M1AP: variants seen among roughly 807,000 people sequenced by gnomAD.
The protein encoded by M1AP is meiosis 1 associated protein.
M1AP carries 39 observed loss-of-function variants against 51.2 expected under a neutral mutation model. The ratio of observed to expected loss-of-function variants is 0.76; its 90% CI spans 0.59 to 1.00. The LOEUF is 1.00. Among genes scored for constraint, M1AP ranks in the 50% least tolerant of loss-of-function variants. The pLI is 0.00. For missense variants in M1AP, 545 were observed against 641.2 expected, an observed-to-expected ratio of 0.85 and a Z score of 1.62; for synonymous variants, 251 against 249.2, an observed-to-expected ratio of 1.01 and a Z score of -0.07.
At chr2:74,596,060 G>GAAGA (rs1680313899) in intron 4 of M1AP, among the ~76,000 whole-genome samples, 1 of 152,112 alleles carries the variant, frequency 6.6e-6, no homozygotes, top group South Asian at 2.1e-4. Flanking sequence ...GGAAAGCAAG[G>GAAGA]AAGAAAGATG....
At chr2:74,594,994 A>G (rs1472454871) in intron 4 of M1AP, among the ~76,000 whole-genome samples, 5 of 152,244 alleles carry the variant, frequency 3.3e-5, no homozygotes, top group African/African-American at 9.6e-5. Flanking sequence ...AATAATAAAC[A>G]TAAGATAAAT....
intron 5 of M1AP, chr2:74,576,927 G>A (rs765586713): frequency 1.3e-4 from 146 of 1,112,268 alleles, no homozygotes; most frequent in Non-Finnish European, 1.5e-4. Context: ...CTCATAGTGA[G>A]ACATCTGGCT....
At chr2:74,637,256 G>A (rs1683038664) in intron 2 of M1AP, among the ~76,000 whole-genome samples, 1 of 151,986 alleles carries the variant, frequency 6.6e-6, no homozygotes, top group South Asian at 2.1e-4. Flanking sequence ...TATTTTCCAT[G>A]CCAGAAATTG....
chr2:74,641,986 C>T (rs536435375), intron 1 of M1AP, among the ~76,000 whole-genome samples: 3 of 152,048 alleles, frequency 2.0e-5, no homozygotes, highest in South Asian at 2.1e-4. Flanking sequence ...GCTGGGATTA[C>T]AGGCATGTGC....
At chr2:74,601,715 A>C (rs1444535506) in intron 4 of M1AP, among the ~76,000 whole-genome samples, 1 of 152,182 alleles carries the variant, frequency 6.6e-6, no homozygotes, top group Non-Finnish European at 1.5e-5. Context: ...ATATGGTTAA[A>C]ATTTATAGAA....
At chr2:74,581,113 C>G (rs965224238) in intron 5 of M1AP, among the ~76,000 whole-genome samples, 2 of 152,174 alleles carry the variant, frequency 1.3e-5, no homozygotes, top group African/African-American at 4.8e-5. Context: ...ATGACCAGAA[C>G]ACTGGATTGA....
At chr2:74,603,924 G>A (rs1050944403) in intron 4 of M1AP, among the ~76,000 whole-genome samples, 1 of 152,052 alleles carries the variant, frequency 6.6e-6, no homozygotes, top group Non-Finnish European at 1.5e-5. Context: ...CAGAACAGTG[G>A]CCACTTCCAT....
chr2:74,592,250 G>T (rs139888893), intron 4 of M1AP, among the ~76,000 whole-genome samples: 16 of 152,274 alleles, frequency 1.1e-4, no homozygotes, highest in Admixed American at 9.2e-4. Flanking sequence ...TCTAGGGATA[G>T]AAGTAAAACA....
At chr2:74,617,991 C>T (rs904710337) in intron 2 of M1AP, among the ~76,000 whole-genome samples, 1 of 152,012 alleles carries the variant, frequency 6.6e-6, no homozygotes, top group Non-Finnish European at 1.5e-5. Context: ...AGAGATTGAC[C>T]CATATTTTAA....
intron 1 of M1AP, among the ~76,000 whole-genome samples, chr2:74,645,655 A>G (rs534564202): frequency 2.6e-4 from 39 of 152,288 alleles, no homozygotes; most frequent in African/African-American, 9.1e-4. Flanking sequence ...TTTCTGCATC[A>G]ACTCCCCCTT....
At chr2:74,611,890 T>G (rs1362607213) in intron 3 of M1AP, among the ~76,000 whole-genome samples, 9 of 72,534 alleles carry the variant, frequency 1.2e-4, no homozygotes, top group Non-Finnish European at 2.6e-4. Context: ...GTGTTTTTTT[T>G]TTTTTTTTTT....
chr2:74,596,292 C>A (rs184823509), intron 4 of M1AP, among the ~76,000 whole-genome samples: 1 of 152,232 alleles, frequency 6.6e-6, no homozygotes, highest in East Asian at 1.9e-4. Flanking sequence ...ACCATAAAAA[C>A]AGTAAGATGG....
intron 3 of M1AP, among the ~76,000 whole-genome samples, chr2:74,608,994 C>T (rs1219308097): frequency 6.6e-6 from 1 of 152,124 alleles, no homozygotes; most frequent in East Asian, 1.9e-4. Flanking sequence ...TGTTTTGATA[C>T]ATTTATACAT....
intron 4 of M1AP, among the ~76,000 whole-genome samples, chr2:74,582,058 T>C (rs1174127331): frequency 1.3e-5 from 2 of 152,158 alleles, no homozygotes; most frequent in Non-Finnish European, 2.9e-5. Context: ...GCCTCCTGAG[T>C]AGCTGGGACT....
intron 7 of M1AP, among the ~76,000 whole-genome samples, chr2:74,569,844 G>C (rs188444621): frequency 6.6e-6 from 1 of 152,162 alleles, no homozygotes; most frequent in East Asian, 1.9e-4. Context: ...AGAGGATTGA[G>C]AGAGAACAGG....
intron 3 of M1AP, 31 bp from the exon 4 acceptor site, chr2:74,607,254 A>G: frequency 6.2e-7 from 1 of 1,604,748 alleles, no homozygotes; most frequent in Non-Finnish European, 8.5e-7. Context: ...CAATGTGTCT[A>G]TTCTCCCTGA....
intron 2 of M1AP, among the ~76,000 whole-genome samples, chr2:74,629,879 C>A (rs72907299): frequency 0.015 from 2,286 of 150,874 alleles, 59 homozygotes; most frequent in African/African-American, 0.052. Flanking sequence ...TTCCAAAATT[C>A]AAAAAAATCC....
At chr2:74,630,099 T>C (rs1319420716) in intron 2 of M1AP, among the ~76,000 whole-genome samples, 1 of 152,100 alleles carries the variant, frequency 6.6e-6, no homozygotes, top group Non-Finnish European at 1.5e-5. Flanking sequence ...TACCACCATG[T>C]CTTTTAAAAA....
At chr2:74,583,512 G>T (rs1470787530) in intron 4 of M1AP, among the ~76,000 whole-genome samples, 1 of 152,214 alleles carries the variant, frequency 6.6e-6, no homozygotes, top group East Asian at 1.9e-4. Context: ...GGTCATCAGT[G>T]AAAGCCAAAT....
Sources: allele counts gnomAD v4.1 joint callset (sites outside exome capture counted in the v4.1 genomes callset), GRCh38; gene constraint gnomAD v4.1.1; transcripts MANE v1.5; gene names NCBI Gene and HGNC (gene_info 2026-07-23, HGNC 2026-07-21).